The following DYNC1I1 variants were observed in gnomAD, a reference collection of about 807,000 sequenced individuals.
The protein encoded by DYNC1I1 is dynein cytoplasmic 1 intermediate chain 1, also known as cytoplasmic dynein 1 intermediate chain 1.
In DYNC1I1, 43 loss-of-function variants were observed where a neutral mutation model predicts 86.6. The observed-to-expected ratio is 0.50, with a 90% CI of 0.39 to 0.64. The LOEUF is 0.64. Among genes scored for constraint, DYNC1I1 ranks in the 30% least tolerant of loss-of-function variants. The pLI is 0.00. For synonymous variants in DYNC1I1, 262 were observed against 283.7 expected (o/e 0.92, Z 0.77); for missense variants, 604 against 788.8 (o/e 0.77, Z 2.81).
At chr7:95,827,752 A>G (rs541485314) in intron 4 of DYNC1I1, among the ~76,000 whole-genome samples, 55 of 152,270 alleles carry the variant, frequency 3.6e-4, no homozygotes, top group African/African-American at 1.3e-3. Context: ...GCCCAAATCA[A>G]TGAGGCTTCA....
intron 10 of DYNC1I1, among the ~76,000 whole-genome samples, chr7:96,013,616 G>T (rs565282421): frequency 1.3e-5 from 2 of 152,132 alleles, no homozygotes; most frequent in East Asian, 3.9e-4. Flanking sequence ...GTACCACCAC[G>T]CCTGGCTAAT....
At chr7:96,102,095 G>A (rs1474773519), downstream of DYNC1I1, among the ~76,000 whole-genome samples, 3 of 151,870 alleles carry the variant, frequency 2.0e-5, no homozygotes, top group Non-Finnish European at 2.9e-5. Context: ...TAAGGCTTCT[G>A]GTACATGGTA....
chr7:96,060,871 T>A (rs60412555), intron 14 of DYNC1I1, among the ~76,000 whole-genome samples: 8,771 of 149,354 alleles, frequency 0.059, 404 homozygotes, highest in African/African-American at 0.14. Flanking sequence ...GAAGGAAGAG[T>A]GTATTTAAAT....
chr7:95,977,596 A>G lies in DYNC1I1; in HGVS notation c.575A>G (p.Lys192Arg), dbSNP rs1793341409. 1.2e-6 allele frequency: 2 copies of G among 1,612,802 alleles called. No individual in the cohort carries two copies. Among genetic ancestry groups the G allele is most frequent in the East Asian group, 4.5e-5 (2 of 44,812 alleles). Reference sequence around the variant, plus strand: ...AATCAGGACAAAAAACAGGAAGTGAAGGAAGGTATGATATGGAAAATAAAC... The same window carrying G: ...AATCAGGACAAAAAACAGGAAGTGAGGGAAGGTATGATATGGAAAATAAAC... ...LENQDKKQEV[K>R]EAPPRELTEE... Residue 192 changes from lysine to arginine, a missense_variant, in exon 7 of 17, where the codon AAG (lysine) becomes AGG (arginine). By Grantham distance (26) the Lys-to-Arg change is conservative. Transcript: ENST00000447467.
chr7:96,036,484 T>C (rs983544873), intron 13 of DYNC1I1, among the ~76,000 whole-genome samples: 16 of 152,198 alleles, frequency 1.1e-4, no homozygotes, highest in African/African-American at 2.4e-4. Flanking sequence ...GGCTGTCAAG[T>C]TGACAATTTC....
intron 6 of DYNC1I1, among the ~76,000 whole-genome samples, chr7:95,929,409 C>T (rs1791831503): frequency 6.6e-6 from 1 of 152,116 alleles, no homozygotes; most frequent in African/African-American, 2.4e-5. Flanking sequence ...GCTTTTTATA[C>T]TCATCTCTCC....
intron 8 of DYNC1I1, among the ~76,000 whole-genome samples, chr7:95,986,844 C>T (rs768964820): frequency 2.0e-5 from 3 of 151,846 alleles, no homozygotes; most frequent in South Asian, 2.1e-4. Flanking sequence ...AGTCTTGGAA[C>T]GACATGGAAA....
intron 14 of DYNC1I1, among the ~76,000 whole-genome samples, chr7:96,047,786 T>A (rs926236507): frequency 6.6e-6 from 1 of 151,932 alleles, no homozygotes; most frequent in South Asian, 2.1e-4. Context: ...CAGTGAAAGG[T>A]GTATGGTTTA....
At chr7:95,935,803 A>C (rs1251847337) in intron 6 of DYNC1I1, among the ~76,000 whole-genome samples, 5 of 152,096 alleles carry the variant, frequency 3.3e-5, no homozygotes, top group African/African-American at 4.8e-5. Flanking sequence ...ACAGATTTAA[A>C]TAGACATTTC....
At chr7:95,796,497 A>G (rs1312654951) in intron 1 of DYNC1I1, among the ~76,000 whole-genome samples, 2 of 152,020 alleles carry the variant, frequency 1.3e-5, no homozygotes, top group African/African-American at 2.4e-5. Context: ...TTAAGGCCTC[A>G]CTTTCCTCCT....
At chr7:95,846,703 G>A (rs1353224304) in intron 5 of DYNC1I1, among the ~76,000 whole-genome samples, 1 of 149,686 alleles carries the variant, frequency 6.7e-6, no homozygotes, top group Admixed American at 6.7e-5. Context: ...CATGTCCTCA[G>A]TGTGGTGCCC....
intron 6 of DYNC1I1, among the ~76,000 whole-genome samples, chr7:95,959,695 A>G (rs1792812503): frequency 1.3e-5 from 2 of 152,216 alleles, no homozygotes; most frequent in South Asian, 2.1e-4. Context: ...CTTTACAACT[A>G]CATGAACTTT....
chr7:95,967,492 G>A (rs1159725387), intron 6 of DYNC1I1, among the ~76,000 whole-genome samples: 4 of 152,008 alleles, frequency 2.6e-5, no homozygotes, highest in Non-Finnish European at 4.4e-5. Flanking sequence ...CTCCCACAGG[G>A]GTCCATAAGA....
At chr7:95,885,235 T>A in intron 6 of DYNC1I1, among the ~76,000 whole-genome samples, 1 of 152,124 alleles carries the variant, frequency 6.6e-6, no homozygotes, top group East Asian at 1.9e-4. Context: ...TGGCATGATC[T>A]TGGCTCACTG....
chr7:96,079,795 T>C (rs1790457391), intron 15 of DYNC1I1, among the ~76,000 whole-genome samples: 1 of 151,974 alleles, frequency 6.6e-6, no homozygotes, highest in Non-Finnish European at 1.5e-5. Flanking sequence ...GAGAGAGAAT[T>C]TGAGTTTTTT....
chr7:95,847,930 G>T (rs1562920429), intron 5 of DYNC1I1, among the ~76,000 whole-genome samples: 1 of 151,954 alleles, frequency 6.6e-6, no homozygotes, highest in Non-Finnish European at 1.5e-5. Context: ...CTTATTATGT[G>T]ACTCACCCAT....
intron 5 of DYNC1I1, among the ~76,000 whole-genome samples, chr7:95,842,713 C>T (rs1013330413): frequency 3.3e-5 from 5 of 152,062 alleles, no homozygotes; most frequent in African/African-American, 1.2e-4. Context: ...CTCAGCCATC[C>T]GACATACAGA....
intron 14 of DYNC1I1, among the ~76,000 whole-genome samples, 196 bp from the exon 15 acceptor site, chr7:96,075,861 C>G (rs1790319794): frequency 6.6e-6 from 1 of 152,026 alleles, no homozygotes; most frequent in African/African-American, 2.4e-5. Flanking sequence ...CTTGAGAGGC[C>G]CCCTCTCCCC....
At chr7:96,048,470 G>A (rs998011671) in intron 14 of DYNC1I1, among the ~76,000 whole-genome samples, 4 of 152,172 alleles carry the variant, frequency 2.6e-5, no homozygotes, top group African/African-American at 9.7e-5. Context: ...GCTTATTAGA[G>A]ATGCAAACCG....
Sources: allele counts gnomAD v4.1 joint callset (sites outside exome capture counted in the v4.1 genomes callset), GRCh38; gene constraint gnomAD v4.1.1; transcripts MANE v1.5; gene names NCBI Gene and HGNC (gene_info 2026-07-23, HGNC 2026-07-21).